QARS1: variants seen among roughly 807,000 people sequenced by gnomAD.
QARS1 encodes glutamine--tRNA ligase.
In QARS1, 79 loss-of-function variants were observed where a neutral mutation model predicts 106.9. The observed-to-expected ratio is 0.74, with a 90% CI of 0.62 to 0.89. The LOEUF is 0.89. Among genes scored for constraint, QARS1 ranks in the 40% least tolerant of loss-of-function variants. QARS1 has a pLI of 0.00. For missense variants in QARS1, 966 were observed against 997.2 expected, an observed-to-expected ratio of 0.97 and a Z score of 0.42; for synonymous variants, 395 against 367.7, an observed-to-expected ratio of 1.07 and a Z score of -0.85.
intron 2 of QARS1, 119 bp from the exon 3 acceptor site, chr3:49,104,091 C>T (rs750374573): frequency 9.7e-6 from 11 of 1,136,902 alleles, no homozygotes; most frequent in East Asian, 5.0e-5. Flanking sequence ...AGCCCTGGCA[C>T]CACCACCCTA....
chr3:49,097,935 A>G (rs1220131385), intron 23 of QARS1, 57 bp downstream of exon 23: 11 of 1,607,770 alleles, frequency 6.8e-6, no homozygotes, highest in Admixed American at 1.7e-5. Flanking sequence ...ACTTGGCACA[A>G]TGAACGGCAG....
At position 49,099,167 on chromosome 3, in the gene QARS1, T is replaced by C. The variant is rs1363062208; in HGVS notation, c.1701A>G (p.Arg567=). ...VRDVLNDTAP[R]AMAVLESLRV... is the part of the protein sequence containing the mutation. The stretch of plus-strand genomic sequence containing the variant: ...GTAGTGACTCCAGCACAGCCATGGC[T>C]CGTGGGGCTGTGTCATTCAGCACAT... Residue 567 remains arginine, a synonymous_variant, in exon 18 of 24, where the codon CGA becomes CGG. Coordinates refer to ENST00000306125, the MANE Select transcript of QARS1 (RefSeq NM_005051.3). 7 of 1,614,072 alleles carry C rather than the reference T, an allele frequency of 4.3e-6. No individual in the cohort carries two copies. The African/African-American group carries it at 9.3e-5, about 22-fold the overall frequency.
chr3:49,097,398 CT>C (rs1345562641), intron 23 of QARS1: 1 of 151,830 alleles, frequency 6.6e-6, no homozygotes, highest in African/African-American at 2.4e-5. Flanking sequence ...CTCCTGACCT[CT>C]GGTGGTAAGC....
At position 49,098,591 on chromosome 3, in the gene QARS1, G is replaced by A. The variant is rs1294383234; in HGVS notation, c.1956+9C>T. ...GCACTGCAGTAGGAAGGCTGCAGCT[G>A]GCTCTCACCTTGACAACATGCTGCA... is the stretch of plus-strand genomic sequence containing the variant. On this transcript the variant is annotated intron_variant, in intron 20 of 23. Transcript: ENST00000306125. The A allele has an allele frequency of 6.2e-7, 1 of 1,608,684 alleles. No individual in the cohort carries two copies. Among genetic ancestry groups the A allele is most frequent in the South Asian group, 1.1e-5 (1 of 90,516 alleles).
rs373423404 is a variant in QARS1, at chr3:49,103,423, C to T, written c.452-14G>A. ...CCCGAGCCTCTCCTAGAAGCATAGG[C>T]ACAAGGAGCTGCAGAAAGGCAAAAA... On this transcript the variant is annotated splice_polypyrimidine_tract_variant and intron_variant, in intron 4 of 23. Transcript: ENST00000306125. 6.2e-7 allele frequency: 1 copy of T among 1,614,002 alleles called. No individual in the cohort carries two copies. Among genetic ancestry groups the T allele is most frequent in the African/African-American group, 1.3e-5 (1 of 74,934 alleles).
chr3:49,097,898 G>A lies in QARS1; in HGVS notation c.2277+94C>T. ...AATACCAACTCCCTCAGGTGGTGAG[G>A]ATTAACTAAGGGAATGTATGCAGAG... is the stretch of plus-strand genomic sequence containing the variant. On this transcript the variant is annotated intron_variant, in intron 23 of 23. Coordinates refer to ENST00000306125, the MANE Select transcript of QARS1 (RefSeq NM_005051.3). The A allele has an allele frequency of 2.6e-6, 4 of 1,514,624 alleles. No individual in the cohort carries two copies. In the South Asian group the frequency reaches 4.8e-5, roughly 18 times the overall value. 93.8% of individuals were successfully genotyped at this position (1,514,624 alleles called of 1,614,324 possible).
Position 49,098,300 on chromosome 3 carries a change from T to C in QARS1, c.2085-42A>G, listed in dbSNP as rs143557138. The C allele has an allele frequency of 1.5e-3, 2,413 of 1,614,208 alleles. 5 individuals are homozygous for C. Among genetic ancestry groups the C allele is most frequent in the East Asian group, 1.7e-3 (76 of 44,892 alleles). ...GGTCATACCCCCAGCTGGGCAGCCATAGCAGGCAATGTGCATCTTGTACCT... is the reference window on the plus strand; with the variant it reads ...GGTCATACCCCCAGCTGGGCAGCCACAGCAGGCAATGTGCATCTTGTACCT... On this transcript the variant is annotated intron_variant, in intron 21 of 23. Coordinates refer to ENST00000306125, the MANE Select transcript of QARS1 (RefSeq NM_005051.3).
chr3:49,102,303 A>C, intron 6 of QARS1, 38 bp from the exon 7 acceptor site: 1 of 1,614,010 alleles, frequency 6.2e-7, no homozygotes, highest in African/African-American at 1.3e-5. Context: ...AATGGCATCA[A>C]ATTTTCTCTT....
chr3:49,103,944 G>C lies in QARS1; in HGVS notation c.294C>G (p.Pro98=). ...SAALEYVRSH[P]LDPIDTVDFE... ...AGTCCACAGTGTCGATGGGGTCCAA[G>C]GGGTGACTCCGCACATACTCAAGGG... Residue 98 remains proline (P), a synonymous_variant, in exon 3 of 24, where the codon CCC becomes CCG. Transcript: ENST00000306125. 2 of 1,613,994 alleles carry C rather than the reference G, an allele frequency of 1.2e-6. No individual in the cohort carries two copies. Among genetic ancestry groups the C allele is most frequent in the South Asian group, 1.1e-5 (1 of 91,086 alleles).
At chr3:49,096,112 C>G in intron 23 of QARS1, 33 bp from the exon 24 acceptor site, 1 of 1,611,920 alleles carries the variant, frequency 6.2e-7, no homozygotes, top group South Asian at 1.1e-5. Flanking sequence ...TGACCACCAA[C>G]CCAGAACAAG....
chr3:49,098,847 C>G, intron 19 of QARS1, 38 bp downstream of exon 19: 1 of 1,563,198 alleles, frequency 6.4e-7, no homozygotes. Context: ...CAGTACCAGA[C>G]TCAGCAGCAA....
chr3:49,096,705 C>T (rs1287628225), intron 23 of QARS1, among the ~76,000 whole-genome samples: 2 of 142,586 alleles, frequency 1.4e-5, no homozygotes, highest in African/African-American at 2.6e-5. Context: ...GAGGCTGAGG[C>T]GGGAGAATGG....
chr3:49,104,056 G>T, intron 2 of QARS1, 84 bp from the exon 3 acceptor site: 1 of 1,328,140 alleles, frequency 7.5e-7, no homozygotes, highest in Non-Finnish European at 1.1e-6. Flanking sequence ...AAACTCCAAG[G>T]ATAGTCTGGC....
intron 23 of QARS1, among the ~76,000 whole-genome samples, chr3:49,096,607 G>A (rs1176739194): frequency 3.3e-5 from 5 of 151,822 alleles, no homozygotes; most frequent in African/African-American, 1.2e-4. Flanking sequence ...AGACCATCCT[G>A]GCTAACACGG....
rs764054134 is a variant in QARS1 at position 49,098,633 on chromosome 3, T to C, written c.1923A>G (p.Thr641=). Residue 641 remains threonine (T), a synonymous_variant, in exon 20 of 24, where the codon ACA becomes ACG. Coordinates refer to ENST00000306125, the MANE Select transcript of QARS1 (RefSeq NM_005051.3). ...AWGQPVGLRH[T]GYVIELQHVV... ...CATGCTGCAGCTCAATGACGTAGCC[T>C]GTATGCCTCAGGCCCACAGGCTGGC... 2.7e-5 allele frequency: 43 copies of C among 1,611,712 alleles called. No homozygotes were observed. Among genetic ancestry groups the C allele is most frequent in the Non-Finnish European group, 3.6e-5 (42 of 1,178,940 alleles).
chr3:49,100,530 A>C, intron 11 of QARS1, 45 bp downstream of exon 11: 2 of 1,592,138 alleles, frequency 1.3e-6, no homozygotes, highest in Non-Finnish European at 1.7e-6. Context: ...GCCCAAGGAG[A>C]GGCCCACTAA....
rs748255992 is a variant in QARS1 at position 49,101,323 on chromosome 3, C to G, written c.876+32G>C. On this transcript the variant is annotated intron_variant, in intron 10 of 23. Transcript: ENST00000306125. ...ACTCATGGGAACAGCAAGTGGTCATCTTGCTTGCCAGGTCCCTAGACACAT... is the reference window on the plus strand; with the variant it reads ...ACTCATGGGAACAGCAAGTGGTCATGTTGCTTGCCAGGTCCCTAGACACAT... The G allele has an allele frequency of 1.0e-5, 16 of 1,536,322 alleles. No homozygotes were observed. The Admixed American group carries it at 1.9e-4, about 18-fold the overall frequency.
At chr3:49,097,050 C>G (rs2107091643) in intron 23 of QARS1, 1 of 150,558 alleles carries the variant, frequency 6.6e-6, no homozygotes, top group South Asian at 2.0e-4. Context: ...TGCCTATAAT[C>G]CCAGCACTCT....
At chr3:49,101,496 A>C in intron 9 of QARS1, 55 bp from the exon 10 acceptor site, 1 of 1,581,644 alleles carries the variant, frequency 6.3e-7, no homozygotes. Flanking sequence ...GATGACCTTA[A>C]AGAAACAGAT....
Sources: gnomAD v4.1 joint callset for allele counts (sites outside exome capture counted in the v4.1 genomes callset) on GRCh38, gnomAD v4.1.1 for gene constraint, MANE v1.5 for transcripts, NCBI Gene and HGNC (gene_info 2026-07-23, HGNC 2026-07-21) for gene names.